The following STPG2 variants were observed in gnomAD, a reference collection of about 807,000 sequenced individuals.
STPG2 encodes sperm tail PG-rich repeat containing 2, also known as sperm-tail PG-rich repeat-containing protein 2.
STPG2 carries 56 observed loss-of-function variants against 54.2 expected under a neutral mutation model. The observed-to-expected ratio is 1.03, with a 90% CI of 0.83 to 1.29. The LOEUF is 1.29. STPG2 is among the 50% of genes most tolerant of loss of function. The pLI is 0.00. For synonymous variants in STPG2, 200 were observed against 181.8 expected, an observed-to-expected ratio of 1.10 and a Z score of -0.81; for missense variants, 596 against 544.9, an observed-to-expected ratio of 1.09 and a Z score of -0.93.
intron 8 of STPG2, among the ~76,000 whole-genome samples, chr4:97,931,984 T>C (rs77568910): frequency 0.031 from 4,644 of 152,238 alleles, 91 homozygotes; most frequent in Non-Finnish European, 0.049. Flanking sequence ...AGGATGTATG[T>C]GTCCAGGAAT....
intron 9 of STPG2, among the ~76,000 whole-genome samples, chr4:97,744,361 T>C (rs1206521051): frequency 6.6e-6 from 1 of 151,304 alleles, no homozygotes; most frequent in Non-Finnish European, 1.5e-5. Flanking sequence ...GCTTTTTAAT[T>C]GTTGGGAGGA....
chr4:97,798,452 T>C (rs866824754), intron 9 of STPG2, among the ~76,000 whole-genome samples: 4 of 152,230 alleles, frequency 2.6e-5, no homozygotes, highest in African/African-American at 9.6e-5. Flanking sequence ...CCCATAGTCA[T>C]TCAGGAGCAG....
chr4:97,450,474 T>G (rs1360124955), intron 4 of STPG2, among the ~76,000 whole-genome samples: 1 of 151,764 alleles, frequency 6.6e-6, no homozygotes, highest in Admixed American at 6.6e-5. Context: ...GGAGACAAAA[T>G]AAGAAGAATG....
intron 8 of STPG2, among the ~76,000 whole-genome samples, chr4:97,856,261 A>G (rs1188364600): frequency 1.3e-4 from 20 of 152,202 alleles, no homozygotes; most frequent in Admixed American, 1.3e-3. Context: ...TTTGGGCAGA[A>G]TGGCTATTTT....
intron 3 of STPG2, among the ~76,000 whole-genome samples, chr4:98,119,089 G>C (rs1739599956): frequency 6.6e-6 from 1 of 152,132 alleles, no homozygotes; most frequent in Non-Finnish European, 1.5e-5. Context: ...TATTAAGTGA[G>C]AGTTTGATGA....
At chr4:98,125,174 T>G (rs1160836258) in intron 3 of STPG2, among the ~76,000 whole-genome samples, 11 of 152,208 alleles carry the variant, frequency 7.2e-5, no homozygotes, top group Admixed American at 7.2e-4. Flanking sequence ...CCTACTTCTA[T>G]CAATTCATCC....
intron 9 of STPG2, among the ~76,000 whole-genome samples, chr4:97,719,507 C>T (rs1272156871): frequency 3.9e-5 from 6 of 151,958 alleles, no homozygotes; most frequent in Non-Finnish European, 7.4e-5. Context: ...TGGTTTTGAC[C>T]TCTAAACTAC....
intron 4 of STPG2, among the ~76,000 whole-genome samples, chr4:97,483,475 A>T (rs1289839486): frequency 2.0e-5 from 3 of 151,798 alleles, no homozygotes; most frequent in Non-Finnish European, 4.4e-5. Flanking sequence ...AAAAAGATAA[A>T]GAGGGACATT....
chr4:97,638,503 T>G (rs913176744), intron 10 of STPG2, among the ~76,000 whole-genome samples: 13 of 152,040 alleles, frequency 8.6e-5, no homozygotes, highest in African/African-American at 3.1e-4. Context: ...TGGGATCTCA[T>G]TAAACTAAAG....
chr4:97,781,813 C>A (rs982902315), intron 9 of STPG2, among the ~76,000 whole-genome samples: 1 of 152,068 alleles, frequency 6.6e-6, no homozygotes, highest in African/African-American at 2.4e-5. Context: ...AGCATATAAA[C>A]AGAACCAAAG....
At chr4:98,086,043 T>G (rs1227715017) in intron 5 of STPG2, among the ~76,000 whole-genome samples, 1 of 152,126 alleles carries the variant, frequency 6.6e-6, no homozygotes, top group Non-Finnish European at 1.5e-5. Flanking sequence ...CTTGACTCAG[T>G]TAAATGAATG....
chr4:98,040,863 A>G (rs1348250547), intron 5 of STPG2, among the ~76,000 whole-genome samples: 1 of 151,808 alleles, frequency 6.6e-6, no homozygotes, highest in Non-Finnish European at 1.5e-5. Context: ...GTGAAAAACG[A>G]CATTGGTATT....
chr4:98,034,599 T>A (rs1463610786), intron 5 of STPG2, among the ~76,000 whole-genome samples: 1 of 152,164 alleles, frequency 6.6e-6, no homozygotes, highest in Non-Finnish European at 1.5e-5. Context: ...AAAAAACTAC[T>A]TTAAATTTCA....
At chr4:97,553,635 G>T (rs778796488) in intron 4 of STPG2, among the ~76,000 whole-genome samples, 33 of 152,154 alleles carry the variant, frequency 2.2e-4, no homozygotes, top group Admixed American at 4.6e-4. Flanking sequence ...CCTAACTGGG[G>T]TCAAATTTAC....
At chr4:97,941,209 C>A (rs1466188117) in intron 8 of STPG2, among the ~76,000 whole-genome samples, 2 of 151,864 alleles carry the variant, frequency 1.3e-5, no homozygotes, top group Non-Finnish European at 2.9e-5. Context: ...TTGTGGGTTA[C>A]CCAGCGACTT....
At chr4:97,967,561 C>A (rs1734154095) in intron 7 of STPG2, among the ~76,000 whole-genome samples, 2 of 152,138 alleles carry the variant, frequency 1.3e-5, no homozygotes, top group South Asian at 2.1e-4. Context: ...ATACATTCTT[C>A]TCAGCACCAC....
chr4:98,025,686 C>G (rs891029695), intron 5 of STPG2: 19 of 1,174,592 alleles, frequency 1.6e-5, no homozygotes, highest in Non-Finnish European at 2.3e-5. Context: ...GCGTATTGTA[C>G]TGGCCTCCTG....
At position 97,863,195 on chromosome 4, in the gene STPG2, G is replaced by A. The variant is rs534971728; in HGVS notation, c.1045-22263C>T. On this transcript the variant is annotated intron_variant, in intron 8 of 10. Transcript: ENST00000295268. Reference sequence around the variant, plus strand: ...AAAAGATCAATGAAATTGATAGACCGCTAGCAAGACTAATAAAGAAGAAAA... The same window carrying A: ...AAAAGATCAATGAAATTGATAGACCACTAGCAAGACTAATAAAGAAGAAAA... Among the ~76,000 whole-genome samples the A allele has an allele frequency of 5.3e-5, 8 of 152,032 alleles. No individual in the cohort carries two copies. In the East Asian group the frequency reaches 7.8e-4, roughly 15 times the overall value.
At chr4:97,905,042 A>T (rs1731350418) in intron 8 of STPG2, among the ~76,000 whole-genome samples, 1 of 152,022 alleles carries the variant, frequency 6.6e-6, no homozygotes, top group African/African-American at 2.4e-5. Context: ...GCAGGATATT[A>T]TCCAGGAGAA....
Sources: gnomAD v4.1 joint callset for allele counts (sites outside exome capture counted in the v4.1 genomes callset) on GRCh38, gnomAD v4.1.1 for gene constraint, MANE v1.5 for transcripts, NCBI Gene and HGNC (gene_info 2026-07-23, HGNC 2026-07-21) for gene names.